The following CYP4X1 variants were observed in gnomAD, a reference collection of about 807,000 sequenced individuals.
CYP4X1 encodes the protein cytochrome P450 family 4 subfamily X member 1, also known as cytochrome P450 4X1.
CYP4X1 carries 44 observed loss-of-function variants against 57.9 expected under a neutral mutation model. The observed-to-expected ratio is 0.76, with a 90% CI of 0.60 to 0.98. The LOEUF (loss-of-function observed/expected upper bound fraction) is 0.98. Among genes scored for constraint, CYP4X1 ranks in the 50% least tolerant of loss-of-function variants. The pLI is 0.00. For missense variants in CYP4X1, 532 were observed against 623.9 expected (o/e 0.85, Z 1.57); for synonymous variants, 227 against 228.6 (o/e 0.99, Z 0.06).
At chr1:47,039,723 AGTTTATTTATCC>A in intron 8 of CYP4X1, 191 bp downstream of exon 8, 1 of 373,700 alleles carries the variant, frequency 2.7e-6, no homozygotes, top group Non-Finnish European at 4.6e-6. Context: ...AAAAAAAAAA[AGTTTATTTATCC>A]ATAAATTGTC....
chr1:47,041,331 A>G (rs1644244416), intron 8 of CYP4X1, among the ~76,000 whole-genome samples: 1 of 151,780 alleles, frequency 6.6e-6, no homozygotes, highest in Non-Finnish European at 1.5e-5. Flanking sequence ...GCTGCATCAT[A>G]TGGTAGTTCT....
At chr1:47,033,524 A>AT (rs1644146627) in intron 4 of CYP4X1, among the ~76,000 whole-genome samples, 156 bp downstream of exon 4, 1 of 152,200 alleles carries the variant, frequency 6.6e-6, no homozygotes, top group Non-Finnish European at 1.5e-5. Context: ...TCTGTAAAAA[A>AT]TTTGTTATGT....
In CYP4X1 at chr1:47,023,849, C is replaced by G. The variant is rs1205038664; in HGVS notation, c.32C>G (p.Ala11Gly). ...TTCTCCTGGCTGGAGACGCGCTGGG[C>G]GCGGCCCTTTTACCTGGCGTTCGTG... is the stretch of plus-strand genomic sequence containing the variant. MEFSWLETRW[A>G]RPFYLAFVFC... The change falls in exon 1 of 12, where the codon GCG (alanine) becomes GGG (glycine). Residue 11 changes from alanine (A) to glycine (G), a missense_variant. Transcript: ENST00000371901. 6.2e-7 allele frequency: 1 copy of G among 1,613,324 alleles called. No homozygotes were observed. Among genetic ancestry groups the G allele is most frequent in the Admixed American group, 1.7e-5 (1 of 60,014 alleles).
the CYP4X1 span, among the ~76,000 whole-genome samples, chr1:47,013,768 T>C: frequency 2.7e-5 from 4 of 147,430 alleles, no homozygotes; most frequent in Non-Finnish European, 6.0e-5. Flanking sequence ...TCTTTTTTTT[T>C]TTTTTTTTTT....
chr1:47,018,570 C>T, the CYP4X1 span, among the ~76,000 whole-genome samples: 2 of 152,122 alleles, frequency 1.3e-5, no homozygotes, highest in Non-Finnish European at 2.9e-5. Context: ...GCACCGAATG[C>T]AGCGCTGGAG....
At chr1:47,037,766 G>C (rs1644201191) in intron 6 of CYP4X1, among the ~76,000 whole-genome samples, 1 of 152,068 alleles carries the variant, frequency 6.6e-6, no homozygotes, top group African/African-American at 2.4e-5. Context: ...AATTATTTAT[G>C]TTTTCTTGTA....
the CYP4X1 span, among the ~76,000 whole-genome samples, chr1:46,996,054 T>C: frequency 3.3e-4 from 50 of 152,250 alleles, no homozygotes; most frequent in Non-Finnish European, 6.9e-4. Context: ...GAGTTCATAA[T>C]GTGGTAATAT....
rs1216842847 is a variant in CYP4X1 at position 47,039,464 on chromosome 1, C to A, written c.1005C>A (p.Asn335Lys). ...ISWILYCLAL[N>K]PEHQERCREE... is the part of the protein sequence containing the mutation. ...GGATCCTTTACTGCCTGGCTCTGAACCCTGAGCATCAAGAGAGATGCCGGG... is the reference window on the plus strand; with the variant it reads ...GGATCCTTTACTGCCTGGCTCTGAAACCTGAGCATCAAGAGAGATGCCGGG... The change falls in exon 8 of 12, where the codon AAC becomes AAA. Residue 335 changes from asparagine (N) to lysine (K), a missense_variant. Transcript: ENST00000371901. 2 of 1,613,426 alleles carry A rather than the reference C, an allele frequency of 1.2e-6. No homozygotes were observed. The highest frequency in any genetic ancestry group is 1.7e-6 in the Non-Finnish European group (2 of 1,179,764).
chr1:46,980,684 C>G, the CYP4X1 span, among the ~76,000 whole-genome samples: 1 of 152,098 alleles, frequency 6.6e-6, no homozygotes, highest in Non-Finnish European at 1.5e-5. Context: ...CAATACTTAG[C>G]AAAAAGAACA....
chr1:47,003,162 A>T, the CYP4X1 span: 1 of 152,158 alleles, frequency 6.6e-6, no homozygotes, highest in Non-Finnish European at 1.5e-5. Context: ...TTTCTCTGTC[A>T]CCAAGAGAAA....
the CYP4X1 span, among the ~76,000 whole-genome samples, chr1:46,962,675 G>A: frequency 6.6e-6 from 1 of 152,188 alleles, no homozygotes; most frequent in African/African-American, 2.4e-5. Flanking sequence ...TTCCAACTAT[G>A]TGGTCAATTT....
At chr1:46,993,295 G>A in the CYP4X1 span, among the ~76,000 whole-genome samples, 5 of 152,024 alleles carry the variant, frequency 3.3e-5, no homozygotes, top group African/African-American at 1.2e-4. Flanking sequence ...GTATTCCATG[G>A]TGTAGATGTG....
At chr1:46,994,165 C>G in the CYP4X1 span, among the ~76,000 whole-genome samples, 1 of 152,152 alleles carries the variant, frequency 6.6e-6, no homozygotes, top group Non-Finnish European at 1.5e-5. Context: ...CCAGTTTTCC[C>G]AGCACCATTT....
chr1:47,012,800 T>A, the CYP4X1 span, among the ~76,000 whole-genome samples: 1 of 152,306 alleles, frequency 6.6e-6, no homozygotes, highest in South Asian at 2.1e-4. Flanking sequence ...AAGTGACATA[T>A]TAGGTAAGCT....
chr1:47,010,502 A>C, the CYP4X1 span, among the ~76,000 whole-genome samples: 1 of 152,234 alleles, frequency 6.6e-6, no homozygotes, highest in Non-Finnish European at 1.5e-5. Flanking sequence ...AACTGGCACA[A>C]GACAGGGATG....
At chr1:47,006,397 T>C in the CYP4X1 span, among the ~76,000 whole-genome samples, 4 of 152,278 alleles carry the variant, frequency 2.6e-5, no homozygotes, top group East Asian at 7.7e-4. Context: ...AAGCGTTATG[T>C]TATTAGTGAG....
At chr1:46,969,768 T>C in the CYP4X1 span, among the ~76,000 whole-genome samples, 1 of 152,228 alleles carries the variant, frequency 6.6e-6, no homozygotes, top group African/African-American at 2.4e-5. Flanking sequence ...TAAAAAGGCC[T>C]TTCCCCACAG....
intron 8 of CYP4X1, among the ~76,000 whole-genome samples, chr1:47,041,986 C>T (rs187248435): frequency 3.9e-5 from 6 of 152,066 alleles, no homozygotes; most frequent in Non-Finnish European, 7.4e-5. Flanking sequence ...CACTTTTATT[C>T]TTCTACTAGT....
chr1:47,043,511 G>A (rs934809470), intron 8 of CYP4X1, among the ~76,000 whole-genome samples: 7 of 151,836 alleles, frequency 4.6e-5, no homozygotes, highest in African/African-American at 1.7e-4. Context: ...GGGTTGTTTT[G>A]TTTTGGCTTG....
Sources: allele counts gnomAD v4.1 joint callset (sites outside exome capture counted in the v4.1 genomes callset), GRCh38; gene constraint gnomAD v4.1.1; transcripts MANE v1.5; gene names NCBI Gene and HGNC (gene_info 2026-07-23, HGNC 2026-07-21).